Variants in SLC37A1 observed in about 807,000 individuals in gnomAD.
SLC37A1 encodes the protein glucose-6-phosphate exchanger SLC37A1.
Under a neutral mutation model 75.3 loss-of-function variants are expected in SLC37A1, and 49 were observed. The ratio of observed to expected loss-of-function variants is 0.65; its 90% CI spans 0.52 to 0.83. The LOEUF (loss-of-function observed/expected upper bound fraction) is 0.83. Among genes scored for constraint, SLC37A1 ranks in the 40% least tolerant of loss-of-function variants. SLC37A1 has a pLI of 0.00. For missense variants in SLC37A1, 566 were observed against 695.0 expected, an observed-to-expected ratio of 0.81 and a Z score of 2.09; for synonymous variants, 268 against 292.1, an observed-to-expected ratio of 0.92 and a Z score of 0.84.
chr21:42,512,677 C>T (rs2054448928), upstream of SLC37A1, among the ~76,000 whole-genome samples: 1 of 152,224 alleles, frequency 6.6e-6, no homozygotes, highest in South Asian at 2.1e-4. Flanking sequence ...ATCCCGCTTG[C>T]GGAATGAGGG....
At chr21:42,520,267 G>A (rs997380074) in intron 2 of SLC37A1, among the ~76,000 whole-genome samples, 11 of 152,134 alleles carry the variant, frequency 7.2e-5, no homozygotes, top group African/African-American at 2.2e-4. Context: ...CATACATTGC[G>A]TTTAATTATC....
In SLC37A1 at chr21:42,579,751, A is replaced by G; in HGVS notation, c.1537A>G (p.Ile513Val). 1 of 1,614,146 alleles carries G rather than the reference A, an allele frequency of 6.2e-7. No homozygotes were observed. The highest frequency in any genetic ancestry group is 1.1e-5 in the South Asian group (1 of 91,086). The change falls in exon 19 of 20, where the codon ATA (isoleucine) becomes GTA (valine). Residue 513 changes from isoleucine to valine, a missense_variant. Ile to Val is a conservative substitution (Grantham distance 29). Coordinates refer to ENST00000352133, the MANE Select transcript of SLC37A1 (RefSeq NM_001320537.2). ...TTTGGTGCAGTTCCTGATCCGCCTC[A>G]TACACAAGGAGCTGAGCTGCCCAGG... ...ACALLFLIRLIHKELSCPGSA... is the reference protein window; with the variant it reads ...ACALLFLIRLVHKELSCPGSA...
Position 42,580,952 on chromosome 21 carries a change from T to G in SLC37A1, c.*592T>G. 6.4e-6 allele frequency: 1 copy of G among 155,474 alleles called. No individual in the cohort carries two copies. Among genetic ancestry groups the G allele is most frequent in the Admixed American group, 6.3e-5 (1 of 15,758 alleles). 9.6% of individuals were successfully genotyped at this position (155,474 alleles called of 1,614,324 possible). A position where few individuals can be genotyped will look rare whatever the true frequency, so the allele number is the denominator to read the frequency against. On this transcript the variant is annotated 3_prime_UTR_variant, in exon 20 of 20. Transcript: ENST00000352133. ...AGAGGCTTTTCCAGCACCCATGATG[T>G]TTCGGACTGACCTAAAAACTAATTG...
rs2055427119 is a variant in SLC37A1, at chr21:42,547,086, C to A, written c.731-17C>A. 1.2e-6 allele frequency: 2 copies of A among 1,614,178 alleles called. No homozygotes were observed. Among genetic ancestry groups the A allele is most frequent in the East Asian group, 4.5e-5 (2 of 44,874 alleles). ...GGTGGTGGACCTGCTCAGCCTCACT[C>A]ATGTTTGCTCTTTCAGATCCGAACG... On this transcript the variant is annotated splice_polypyrimidine_tract_variant and intron_variant, in intron 8 of 19. Coordinates refer to ENST00000352133, the MANE Select transcript of SLC37A1 (RefSeq NM_001320537.2). This position sits in a 1 kb window ranked among gnomAD's most constrained non-coding sequence, Gnocchi z 6.1.
chr21:42,511,580 G>A (rs886315630), upstream of SLC37A1, among the ~76,000 whole-genome samples: 1 of 152,164 alleles, frequency 6.6e-6, no homozygotes, highest in Non-Finnish European at 1.5e-5. Context: ...GAACCTGGGA[G>A]TTCAAGACCA....
chr21:42,524,916 C>T lies in SLC37A1; in HGVS notation c.57-860C>T, dbSNP rs79401095. Among the ~76,000 whole-genome samples the T allele has an allele frequency of 1.9e-3, 285 of 152,284 alleles. 2 individuals carry two copies. In the East Asian group the frequency reaches 0.048, roughly 26 times the overall value. ...CTGGGGGACTGGTTGCCAGGGCAAC[C>T]GACCACGTGATTAGAGGTTGGGACT... On this transcript the variant is annotated intron_variant, in intron 2 of 19. Transcript: ENST00000352133.
chr21:42,562,284 A>G, intron 12 of SLC37A1, 116 bp downstream of exon 12: 1 of 876,610 alleles, frequency 1.1e-6, no homozygotes, highest in Non-Finnish European at 1.9e-6. Flanking sequence ...GTGATTTGAG[A>G]GGTACACCTT....
Position 42,568,342 on chromosome 21 carries a change from G to T in SLC37A1, c.1345-18G>T, listed in dbSNP as rs1368384845. The T allele has an allele frequency of 1.2e-6, 2 of 1,610,044 alleles. No individual in the cohort carries two copies. The highest frequency in any genetic ancestry group is 3.3e-5 in the Admixed American group (2 of 59,898). ...ATGCTGTGGCGATAACTGCACGTCT[G>T]TTTTTCCTCTCTTCTAGGGGACTCA... On this transcript the variant is annotated intron_variant, in intron 16 of 19. Transcript: ENST00000352133.
chr21:42,563,944 T>G (rs946477756), intron 13 of SLC37A1, 67 bp downstream of exon 13: 1 of 1,557,042 alleles, frequency 6.4e-7, no homozygotes, highest in African/African-American at 1.4e-5. Flanking sequence ...CTGAGTTGAT[T>G]CACTGCTCAG....
intron 18 of SLC37A1, 78 bp downstream of exon 18, chr21:42,574,993 C>G: frequency 2.5e-6 from 4 of 1,588,582 alleles, no homozygotes; most frequent in Non-Finnish European, 3.4e-6. Context: ...GTGGAACTTT[C>G]TCCCATGCAT....
intron 17 of SLC37A1, among the ~76,000 whole-genome samples, chr21:42,569,510 ACTCCCTCG>A (rs1569039570): frequency 0.02 from 2,974 of 146,224 alleles, 145 homozygotes; most frequent in African/African-American, 0.069. Flanking sequence ...CTCGTGCCGC[ACTCCCTCG>A]TGCCGCACTC....
intron 10 of SLC37A1, among the ~76,000 whole-genome samples, chr21:42,556,648 GA>G (rs2055699498): frequency 6.6e-6 from 1 of 152,222 alleles, no homozygotes; most frequent in South Asian, 2.1e-4. Context: ...GGGCTCCACA[GA>G]TCCCATTTGG....
intron 3 of SLC37A1, among the ~76,000 whole-genome samples, chr21:42,530,967 G>A (rs1346546032): frequency 6.6e-6 from 1 of 152,236 alleles, no homozygotes; most frequent in Non-Finnish European, 1.5e-5. Context: ...GGCGAATACA[G>A]TGAATGTTTG....
chr21:42,569,101 CCTGGTGTGG>C (rs1283989269), intron 17 of SLC37A1, among the ~76,000 whole-genome samples: 1 of 152,204 alleles, frequency 6.6e-6, no homozygotes, highest in East Asian at 1.9e-4. Flanking sequence ...TGGGGGGCTG[CCTGGTGTGG>C]CTGTCACAGC....
Position 42,543,529 on chromosome 21 carries a change from G to A in SLC37A1, c.657G>A (p.Trp219Ter), listed in dbSNP as rs1377055368. The change falls in exon 8 of 20, where the codon TGG becomes TGA. Residue 219 changes from tryptophan to a stop codon, truncating the protein, a stop_gained. Transcript: ENST00000352133. LOFTEE classifies it high-confidence loss of function. ...CTGGCTACTGGGTGTCCACATGCTG[G>A]GGCCTGTCCTTCGTCGTGCCTGGAG... ...LIAGYWVSTCWGLSFVVPGAI... is the reference protein window; with the variant it reads ...LIAGYWVSTC The A allele has an allele frequency of 3.7e-6, 6 of 1,613,890 alleles. No homozygotes were observed. The highest frequency in any genetic ancestry group is 5.1e-6 in the Non-Finnish European group (6 of 1,179,936).
chr21:42,526,794 A>G (rs148332851), intron 3 of SLC37A1, among the ~76,000 whole-genome samples: 1 of 152,252 alleles, frequency 6.6e-6, no homozygotes, highest in East Asian at 1.9e-4. Context: ...CATGCCTCTC[A>G]AGTTGTTGAC....
intron 2 of SLC37A1, among the ~76,000 whole-genome samples, chr21:42,524,462 A>G (rs2054730467): frequency 6.6e-6 from 1 of 152,080 alleles, no homozygotes; most frequent in Non-Finnish European, 1.5e-5. Flanking sequence ...TGTTTCTGTC[A>G]CTGGCCTATT....
intron 2 of SLC37A1, among the ~76,000 whole-genome samples, chr21:42,521,078 G>A (rs567390570): frequency 1.3e-5 from 2 of 152,320 alleles, no homozygotes; most frequent in East Asian, 1.9e-4. Flanking sequence ...GGTACCCAGC[G>A]CAGGCACAGA....
At chr21:42,535,131 G>C (rs1000687973) in intron 4 of SLC37A1, among the ~76,000 whole-genome samples, 7 of 152,254 alleles carry the variant, frequency 4.6e-5, no homozygotes, top group African/African-American at 1.7e-4. Context: ...CGAGGCGCTG[G>C]TGTGGGTGCT....
Sources: allele counts gnomAD v4.1 joint callset (sites outside exome capture counted in the v4.1 genomes callset), GRCh38; gene constraint gnomAD v4.1.1; non-coding constraint Gnocchi (gnomAD v3.1); transcripts MANE v1.5; gene names NCBI Gene and HGNC (gene_info 2026-07-23, HGNC 2026-07-21).